Variants in ADGRL3 observed in about 807,000 individuals in gnomAD.
ADGRL3 encodes the protein calcium-independent alpha-latrotoxin receptor 3.
A neutral mutation model predicts 153.5 loss-of-function variants in ADGRL3; 62 were observed. The observed-to-expected ratio is 0.40, with a 90% CI of 0.33 to 0.50. ADGRL3 has a LOEUF of 0.50. Ranked by LOEUF, ADGRL3 falls within the 20% of genes least tolerant of loss-of-function variation. The pLI, the probability that ADGRL3 is intolerant of heterozygous loss-of-function variation, is 0.47. For synonymous variants in ADGRL3, 710 were observed against 672.5 expected (o/e 1.06, Z -0.86); for missense variants, 1,641 against 1,859.4 (o/e 0.88, Z 2.16).
chr4:61,303,325 A>ATT (rs2094645590), intron 1 of ADGRL3, among the ~76,000 whole-genome samples: 1 of 152,192 alleles, frequency 6.6e-6, no homozygotes, highest in Admixed American at 6.5e-5. Context: ...TAAATTGGGA[A>ATT]TAATAACCTT....
At chr4:61,290,024 G>T (rs1213131000) in intron 1 of ADGRL3, among the ~76,000 whole-genome samples, 1 of 152,076 alleles carries the variant, frequency 6.6e-6, no homozygotes, top group Non-Finnish European at 1.5e-5. Flanking sequence ...TAAACGTAAA[G>T]TTGTATCTTG....
At chr4:61,925,726 C>A (rs541347193) in intron 13 of ADGRL3, among the ~76,000 whole-genome samples, 1 of 152,134 alleles carries the variant, frequency 6.6e-6, no homozygotes, top group Non-Finnish European at 1.5e-5. Flanking sequence ...CAAACCATGA[C>A]GGCTCTGCCC....
intron 25 of ADGRL3, among the ~76,000 whole-genome samples, chr4:62,055,219 GA>G (rs920196948): frequency 4.6e-5 from 7 of 151,752 alleles, no homozygotes; most frequent in Admixed American, 1.3e-4. Flanking sequence ...TCCCAACTCT[GA>G]ATCTTCGGAT....
chr4:61,326,558 T>G (rs1248576134), intron 1 of ADGRL3, among the ~76,000 whole-genome samples: 2 of 151,656 alleles, frequency 1.3e-5, no homozygotes, highest in Non-Finnish European at 2.9e-5. Context: ...ATTTTTTTTT[T>G]GCAGTATTAT....
intron 1 of ADGRL3, among the ~76,000 whole-genome samples, chr4:61,351,552 C>T (rs2096051426): frequency 6.6e-6 from 1 of 152,172 alleles, no homozygotes; most frequent in Non-Finnish European, 1.5e-5. Flanking sequence ...AGCTGACTTT[C>T]TCATTAGGGG....
chr4:61,755,999 A>G (rs1450833560), intron 8 of ADGRL3, among the ~76,000 whole-genome samples: 3 of 152,150 alleles, frequency 2.0e-5, no homozygotes, highest in African/African-American at 7.2e-5. Flanking sequence ...TGGTACCAGT[A>G]CCATGCTGTT....
At chr4:61,476,793 C>G (rs1211900782) in intron 2 of ADGRL3, among the ~76,000 whole-genome samples, 1 of 145,234 alleles carries the variant, frequency 6.9e-6, no homozygotes, top group Non-Finnish European at 1.5e-5. Context: ...CCAGACTGGT[C>G]TGGAACCGCT....
At chr4:61,433,364 T>TA (rs2097399531) in intron 2 of ADGRL3, among the ~76,000 whole-genome samples, 2 of 151,960 alleles carry the variant, frequency 1.3e-5, no homozygotes, top group African/African-American at 4.8e-5. Flanking sequence ...AGCTTTTTTT[T>TA]TAAAAAAAAA....
intron 5 of ADGRL3, among the ~76,000 whole-genome samples, chr4:61,675,863 G>A (rs981755854): frequency 2.2e-4 from 33 of 151,604 alleles, no homozygotes; most frequent in Non-Finnish European, 4.9e-4. Flanking sequence ...TTTGACTGTA[G>A]TCACCCAATT....
At chr4:61,470,164 T>G (rs2152678571) in intron 2 of ADGRL3, among the ~76,000 whole-genome samples, 1 of 152,152 alleles carries the variant, frequency 6.6e-6, no homozygotes, top group East Asian at 1.9e-4. Flanking sequence ...ATAAATAATT[T>G]TTTTAAGTCA....
At position 61,327,881 on chromosome 4, in the gene ADGRL3, A is replaced by C. The variant is rs565725133; in HGVS notation, c.-239-55243A>C. Among the ~76,000 whole-genome samples, 7 of 152,238 alleles carry C rather than the reference A, an allele frequency of 4.6e-5. No homozygotes were observed. The South Asian group carries it at 8.3e-4, about 18-fold the overall frequency. ...TGATGATGTTCAGTAGTTTTAAAGA[A>C]ATAGGACTTGGATTATGAAATATTG... On this transcript the variant is annotated intron_variant, in intron 1 of 26. Coordinates refer to ENST00000683033, the MANE Select transcript of ADGRL3 (RefSeq NM_001387552.1).
At chr4:61,296,469 A>T (rs1336283307) in intron 1 of ADGRL3, among the ~76,000 whole-genome samples, 1 of 152,146 alleles carries the variant, frequency 6.6e-6, no homozygotes. Context: ...AGATTTGTAA[A>T]TTCAGTAGAT....
intron 1 of ADGRL3, among the ~76,000 whole-genome samples, chr4:61,351,648 A>G (rs1001250698): frequency 3.3e-5 from 5 of 152,294 alleles, no homozygotes; most frequent in Admixed American, 2.6e-4. Flanking sequence ...TGCTAAATCT[A>G]CTGTGCCTGT....
intron 23 of ADGRL3, among the ~76,000 whole-genome samples, chr4:62,033,044 C>A (rs1307873252): frequency 6.6e-6 from 1 of 151,670 alleles, no homozygotes; most frequent in Non-Finnish European, 1.5e-5. Context: ...TGTACACCCC[C>A]CAAATTACAG....
At chr4:61,655,927 A>G (rs1347964960) in intron 5 of ADGRL3, among the ~76,000 whole-genome samples, 2 of 152,156 alleles carry the variant, frequency 1.3e-5, no homozygotes, top group African/African-American at 2.4e-5. Context: ...TATATTTGGA[A>G]TGTGGTTACT....
chr4:61,871,791 T>G (rs1581236264), intron 9 of ADGRL3, among the ~76,000 whole-genome samples: 1 of 152,288 alleles, frequency 6.6e-6, no homozygotes, highest in Middle Eastern at 3.4e-3. Flanking sequence ...GCTGTTATTT[T>G]AAAAAAGCTA....
At chr4:61,748,274 C>A (rs1470726915) in intron 8 of ADGRL3, among the ~76,000 whole-genome samples, 2 of 152,150 alleles carry the variant, frequency 1.3e-5, no homozygotes, top group Non-Finnish European at 2.9e-5. Context: ...ATGAAAATGA[C>A]CACACTGCCC....
chr4:62,024,204 G>GT (rs1158918930), intron 21 of ADGRL3, among the ~76,000 whole-genome samples: 1 of 152,026 alleles, frequency 6.6e-6, no homozygotes, highest in East Asian at 1.9e-4. Context: ...ATTATACTCA[G>GT]TTTTTCCTAA....
chr4:62,003,377 T>C (rs943467890), intron 21 of ADGRL3, among the ~76,000 whole-genome samples: 1 of 152,090 alleles, frequency 6.6e-6, no homozygotes, highest in African/African-American at 2.4e-5. Context: ...AGTCTCTAAT[T>C]GTCAAGGAAG....
Sources: gnomAD v4.1 joint callset for allele counts (sites outside exome capture counted in the v4.1 genomes callset) on GRCh38, gnomAD v4.1.1 for gene constraint, MANE v1.5 for transcripts, NCBI Gene and HGNC (gene_info 2026-07-23, HGNC 2026-07-21) for gene names.